The following PLEKHG1 variants were observed in gnomAD, a reference collection of about 807,000 sequenced individuals.
The protein encoded by PLEKHG1 is pleckstrin homology and RhoGEF domain containing G1.
Under a neutral mutation model 100.8 loss-of-function variants are expected in PLEKHG1, and 44 were observed. That is an observed-to-expected ratio of 0.44 (90% confidence interval 0.34 to 0.56). The LOEUF (loss-of-function observed/expected upper bound fraction) is 0.56, where lower values mean the gene tolerates loss of function less well. Among genes scored for constraint, PLEKHG1 ranks in the 20% least tolerant of loss-of-function variants. The pLI is 0.01. For synonymous variants in PLEKHG1, 640 were observed against 662.5 expected (o/e 0.97, Z 0.52); for missense variants, 1,545 against 1,720.9 (o/e 0.90, Z 1.81).
At chr6:150,671,588 G>C (rs1436249860) in intron 3 of PLEKHG1, among the ~76,000 whole-genome samples, 2 of 152,220 alleles carry the variant, frequency 1.3e-5, no homozygotes, top group Non-Finnish European at 2.9e-5. Flanking sequence ...AGGAGACAGT[G>C]CTTACATTGG....
intron 3 of PLEKHG1, among the ~76,000 whole-genome samples, chr6:150,785,780 G>T (rs377568262): frequency 7.2e-5 from 11 of 152,082 alleles, no homozygotes; most frequent in Admixed American, 4.6e-4. Context: ...GGAGGTGAGA[G>T]CAAGTGAAGC....
At chr6:150,772,753 G>T (rs1414239955) in intron 3 of PLEKHG1, among the ~76,000 whole-genome samples, 1 of 152,118 alleles carries the variant, frequency 6.6e-6, no homozygotes, top group East Asian at 1.9e-4. Context: ...TTATCCATTG[G>T]TGATGATCTA....
At chr6:150,632,894 A>G (rs1319300139) in intron 1 of PLEKHG1, 4 of 152,224 alleles carry the variant, frequency 2.6e-5, no homozygotes, top group African/African-American at 7.2e-5. Flanking sequence ...TAAAATTTGC[A>G]TATATGTCTA....
At chr6:150,819,716 G>A (rs373856351) in exon 12 of PLEKHG1, 55 of 1,612,364 alleles carry the variant, frequency 3.4e-5, no homozygotes, top group East Asian at 4.5e-5. Flanking sequence ...AGGGAGGGAC[G>A]AAAGCACTGT....
chr6:150,823,917 C>T (rs1432339229), intron 14 of PLEKHG1, among the ~76,000 whole-genome samples: 2 of 152,204 alleles, frequency 1.3e-5, no homozygotes, highest in Admixed American at 1.3e-4. Flanking sequence ...ATTTATTCAT[C>T]CTCTGCCCCA....
rs199707294 is a variant in PLEKHG1 at position 150,733,902 on chromosome 6, C to T, written c.221C>T (p.Thr74Met). 9.8e-5 allele frequency: 158 copies of T among 1,614,178 alleles called. No individual in the cohort carries two copies. Among genetic ancestry groups the T allele is most frequent in the Non-Finnish European group, 1.2e-4 (144 of 1,180,024 alleles). Reference sequence around the variant, plus strand: ...GAGCTGCAGAGGGACAACCCCGCCACGGGGCAACAGAACGCGGATGAGGGC... The same window carrying T: ...GAGCTGCAGAGGGACAACCCCGCCATGGGGCAACAGAACGCGGATGAGGGC... Residue 74 changes from threonine to methionine, a missense_variant, in exon 2 of 16, where the codon ACG becomes ATG. Coordinates refer to ENST00000358517, the Ensembl canonical transcript of PLEKHG1.
intron 2 of PLEKHG1, among the ~76,000 whole-genome samples, chr6:150,642,720 G>T (rs1014742364): frequency 6.6e-6 from 1 of 152,192 alleles, no homozygotes; most frequent in Non-Finnish European, 1.5e-5. Flanking sequence ...TCAAATGTTG[G>T]ATGCATTCAA....
chr6:150,628,996 T>C (rs1402867034), intron 1 of PLEKHG1, among the ~76,000 whole-genome samples: 1 of 152,058 alleles, frequency 6.6e-6, no homozygotes, highest in African/African-American at 2.4e-5. Flanking sequence ...AAACTGAGGG[T>C]TCTAGCCTGG....
intron 1 of PLEKHG1, among the ~76,000 whole-genome samples, chr6:150,609,398 A>G (rs565492394): frequency 2.6e-5 from 4 of 152,322 alleles, no homozygotes; most frequent in South Asian, 4.1e-4. Context: ...AGTGATCTTG[A>G]GAAGATCCGA....
rs763405084 is a variant in PLEKHG1 at position 150,683,793 on chromosome 6, C to T, written c.-99+33007C>T. The T allele has an allele frequency of 2.6e-4, 334 of 1,288,472 alleles. No homozygotes were observed. Among genetic ancestry groups the T allele is most frequent in the Non-Finnish European group, 3.3e-4 (323 of 988,568 alleles). 79.8% of individuals were successfully genotyped at this position (1,288,472 alleles called of 1,614,324 possible). A position where few individuals can be genotyped will look rare whatever the true frequency, so the allele number is the denominator to read the frequency against. ...GCCATTCTTGGTGGGGCGGAAGAGG[C>T]AGGAAACTGCTGCCTGGACAAATCG... On this transcript the variant is annotated intron_variant, in intron 3 of 3. Transcript: ENST00000367326. This position sits in a 1 kb window ranked among gnomAD's most constrained non-coding sequence, Gnocchi z 4.0.
At chr6:150,628,330 T>C (rs957135645) in intron 1 of PLEKHG1, among the ~76,000 whole-genome samples, 1 of 152,158 alleles carries the variant, frequency 6.6e-6, no homozygotes, top group Non-Finnish European at 1.5e-5. Context: ...GTTTAATATG[T>C]GTATATTTTT....
Position 150,703,615 on chromosome 6 carries a change from C to CA in PLEKHG1, c.-98-29965dup, listed in dbSNP as rs1272621431. Among the ~76,000 whole-genome samples, 112 of 139,980 alleles carry CA rather than the reference C, an allele frequency of 8.0e-4. 1 individual carries two copies. Among genetic ancestry groups the CA allele is most frequent in the African/African-American group, 3.4e-3 (109 of 32,300 alleles). The allele number at this position is 139,980 out of a possible 152,430, so 91.8% of individuals were successfully genotyped here. A position where few individuals can be genotyped will look rare whatever the true frequency, so the allele number is the denominator to read the frequency against. ...GACTCCATCTTAAAAAAAAAAAAAA[C>CA]AAAACAACTTTTTTCTACTTGAAGA... is the stretch of plus-strand genomic sequence containing the variant. On this transcript the variant is annotated intron_variant, in intron 3 of 3. Transcript: ENST00000367326.
At chr6:150,730,659 T>C (rs1404845684) in intron 1 of PLEKHG1, among the ~76,000 whole-genome samples, 3 of 152,014 alleles carry the variant, frequency 2.0e-5, no homozygotes, top group Non-Finnish European at 4.4e-5. Flanking sequence ...ACCCAACACT[T>C]TGGGAGGCCG....
chr6:150,791,146 G>A (rs1365224014), intron 4 of PLEKHG1, among the ~76,000 whole-genome samples: 7 of 152,206 alleles, frequency 4.6e-5, no homozygotes, highest in East Asian at 1.9e-4. Context: ...TTGGGAACTC[G>A]TTAGAAATGC....
chr6:150,773,169 T>C (rs535349463), intron 3 of PLEKHG1, among the ~76,000 whole-genome samples: 1 of 152,338 alleles, frequency 6.6e-6, no homozygotes, highest in African/African-American at 2.4e-5. Context: ...GTGCCTAACA[T>C]TGATGGAGGC....
chr6:150,627,121 G>T (rs1239575930), intron 1 of PLEKHG1, among the ~76,000 whole-genome samples: 1 of 152,170 alleles, frequency 6.6e-6, no homozygotes, highest in African/African-American at 2.4e-5. Context: ...AGTTAAATCA[G>T]CAAGTCCATA....
In PLEKHG1 at chr6:150,661,376, T is replaced by C. The variant is rs571122038; in HGVS notation, c.-99+10590T>C. On this transcript the variant is annotated intron_variant, in intron 3 of 3. Coordinates refer to the PLEKHG1 transcript ENST00000367326. The stretch of plus-strand genomic sequence containing the variant: ...TTCAGTCAGTAAAGCCATGCATATA[T>C]ACAACAGATGTTATATGCAGGCAAT... Among the ~76,000 whole-genome samples the C allele has an allele frequency of 1.4e-4, 22 of 152,380 alleles. No homozygotes were observed. In the South Asian group the frequency reaches 4.1e-3, roughly 29 times the overall value.
At chr6:150,838,386 A>C (rs554388663) in intron 15 of PLEKHG1, among the ~76,000 whole-genome samples, 17 of 152,218 alleles carry the variant, frequency 1.1e-4, no homozygotes, top group African/African-American at 4.1e-4. Context: ...CTTTCTTAAA[A>C]CATTAAGGGT....
chr6:150,669,751 C>T (rs1376123905), intron 3 of PLEKHG1, among the ~76,000 whole-genome samples: 1 of 151,958 alleles, frequency 6.6e-6, no homozygotes, highest in Non-Finnish European at 1.5e-5. Context: ...CGCCTGCCAC[C>T]ACGCCCAGCT....
Sources: gnomAD v4.1 joint callset for allele counts (sites outside exome capture counted in the v4.1 genomes callset) on GRCh38, gnomAD v4.1.1 for gene constraint, Gnocchi (gnomAD v3.1) non-coding constraint, MANE v1.5 for transcripts, NCBI Gene and HGNC (gene_info 2026-07-23, HGNC 2026-07-21) for gene names.